KHDRBS2: variants seen among roughly 807,000 people sequenced by gnomAD.
KHDRBS2 encodes KH RNA binding domain containing, signal transduction associated 2, also known as KH domain-containing, RNA-binding, signal transduction-associated protein 2.
In KHDRBS2, 26 loss-of-function variants were observed where a neutral mutation model predicts 44.3. The observed-to-expected ratio is 0.59, with a 90% confidence interval of 0.43 to 0.81. The LOEUF (loss-of-function observed/expected upper bound fraction) is 0.81. Among genes scored for constraint, KHDRBS2 ranks in the 40% least tolerant of loss-of-function variants. The pLI, the probability that KHDRBS2 is intolerant of heterozygous loss-of-function variation, is 0.00. For synonymous variants in KHDRBS2, 194 were observed against 151.1 expected, an observed-to-expected ratio of 1.28 and a Z score of -2.08; for missense variants, 476 against 433.1, an observed-to-expected ratio of 1.10 and a Z score of -0.88.
chr6:62,124,097 A>G (rs1434843141), intron 2 of KHDRBS2, among the ~76,000 whole-genome samples: 2 of 152,138 alleles, frequency 1.3e-5, no homozygotes, highest in Non-Finnish European at 2.9e-5. Context: ...CTCTCATCTT[A>G]CTTGACTGCT....
At chr6:61,863,514 A>T (rs1441396056) in intron 6 of KHDRBS2, among the ~76,000 whole-genome samples, 1 of 152,150 alleles carries the variant, frequency 6.6e-6, no homozygotes, top group East Asian at 1.9e-4. Context: ...GTTTCAAAGA[A>T]CTTCTTGATT....
At chr6:62,278,962 C>T (rs1443701663) in intron 1 of KHDRBS2, among the ~76,000 whole-genome samples, 2 of 152,004 alleles carry the variant, frequency 1.3e-5, no homozygotes, top group East Asian at 1.9e-4. Context: ...GGCGTGGTGG[C>T]GGGTGCCTGT....
chr6:61,987,460 T>C (rs1237521607), intron 3 of KHDRBS2, among the ~76,000 whole-genome samples: 1 of 152,212 alleles, frequency 6.6e-6, no homozygotes, highest in Non-Finnish European at 1.5e-5. Flanking sequence ...ATATTTTACC[T>C]CAGAGTTATA....
chr6:62,277,672 G>C (rs1478192835), intron 1 of KHDRBS2, among the ~76,000 whole-genome samples: 1 of 152,074 alleles, frequency 6.6e-6, no homozygotes, highest in East Asian at 1.9e-4. Context: ...ACACATTCAA[G>C]GGCATATGTG....
At chr6:62,046,581 C>G (rs1170253216) in intron 3 of KHDRBS2, among the ~76,000 whole-genome samples, 1 of 151,690 alleles carries the variant, frequency 6.6e-6, no homozygotes, top group Non-Finnish European at 1.5e-5. Context: ...AAATTCATAA[C>G]AAAAACAATA....
chr6:61,567,341 C>T, the KHDRBS2 span, among the ~76,000 whole-genome samples: 1 of 152,162 alleles, frequency 6.6e-6, no homozygotes, highest in African/African-American at 2.4e-5. Flanking sequence ...TGAGGGGGAA[C>T]ATTAAGGCTG....
intron 4 of KHDRBS2, among the ~76,000 whole-genome samples, chr6:61,950,527 A>G (rs1477489475): frequency 6.6e-6 from 1 of 151,958 alleles, no homozygotes; most frequent in East Asian, 1.9e-4. Context: ...ATTCTGTGTA[A>G]ATATACTTCA....
intron 6 of KHDRBS2, among the ~76,000 whole-genome samples, chr6:61,842,850 A>T (rs1320115697): frequency 6.6e-6 from 1 of 151,662 alleles, no homozygotes; most frequent in African/African-American, 2.4e-5. Context: ...GCATAAACAA[A>T]ATGTGGTATA....
At chr6:61,553,984 T>C in the KHDRBS2 span, among the ~76,000 whole-genome samples, 1 of 152,132 alleles carries the variant, frequency 6.6e-6, no homozygotes, top group Non-Finnish European at 1.5e-5. Context: ...CTCTTGTCTG[T>C]GGGTGGAATG....
At chr6:61,701,517 A>T (rs1472558739) in intron 7 of KHDRBS2, among the ~76,000 whole-genome samples, 2 of 151,952 alleles carry the variant, frequency 1.3e-5, no homozygotes, top group Non-Finnish European at 2.9e-5. Context: ...AGAAGAAAGC[A>T]TGCTGCAAAA....
At chr6:62,021,471 G>A (rs1346076326) in intron 3 of KHDRBS2, among the ~76,000 whole-genome samples, 1 of 151,832 alleles carries the variant, frequency 6.6e-6, no homozygotes, top group Admixed American at 6.6e-5. Context: ...GGTCTTGTGT[G>A]TGTTTTTATC....
intron 6 of KHDRBS2, among the ~76,000 whole-genome samples, chr6:61,872,320 T>C (rs1197437686): frequency 6.6e-6 from 1 of 152,122 alleles, no homozygotes; most frequent in Non-Finnish European, 1.5e-5. Context: ...TGCATGTGAA[T>C]CCAAATTTGT....
At chr6:61,605,983 G>A in the KHDRBS2 span, among the ~76,000 whole-genome samples, 29,085 of 151,944 alleles carry the variant, frequency 0.19, 2,943 homozygotes, top group African/African-American at 0.23. Flanking sequence ...GAAAATGGCC[G>A]GTCCCTGCCT....
intron 1 of KHDRBS2, among the ~76,000 whole-genome samples, chr6:62,241,927 G>T (rs1344787374): frequency 6.6e-6 from 1 of 151,992 alleles, no homozygotes; most frequent in East Asian, 1.9e-4. Flanking sequence ...TTTGGAAGTT[G>T]GTCAGGAAAG....
intron 6 of KHDRBS2, among the ~76,000 whole-genome samples, chr6:61,787,209 T>TA (rs1211542632): frequency 2.0e-5 from 3 of 151,540 alleles, no homozygotes; most frequent in African/African-American, 4.8e-5. Flanking sequence ...TTGGCTATTA[T>TA]AAAAAATGCT....
At chr6:61,854,159 A>T (rs914090425) in intron 6 of KHDRBS2, among the ~76,000 whole-genome samples, 1 of 152,164 alleles carries the variant, frequency 6.6e-6, no homozygotes, top group African/African-American at 2.4e-5. Context: ...GTAGAATTCA[A>T]GTCCTGGAAT....
intron 4 of KHDRBS2, among the ~76,000 whole-genome samples, chr6:61,958,279 T>G (rs1196971325): frequency 6.6e-6 from 1 of 152,122 alleles, no homozygotes; most frequent in African/African-American, 2.4e-5. Context: ...TAGTACATGC[T>G]GTTTCTGCAT....
chr6:61,818,056 A>C (rs980318788), intron 6 of KHDRBS2, among the ~76,000 whole-genome samples: 1 of 151,960 alleles, frequency 6.6e-6, no homozygotes, highest in Non-Finnish European at 1.5e-5. Flanking sequence ...ACAGGGAAAA[A>C]TCCCTAAAAG....
At chr6:61,743,731 T>C (rs1252422927) in intron 6 of KHDRBS2, among the ~76,000 whole-genome samples, 1 of 151,892 alleles carries the variant, frequency 6.6e-6, no homozygotes, top group Non-Finnish European at 1.5e-5. Flanking sequence ...GCTGCACCCA[T>C]TAACTCGTCA....
Sources: gnomAD v4.1 joint callset for allele counts (sites outside exome capture counted in the v4.1 genomes callset) on GRCh38, gnomAD v4.1.1 for gene constraint, MANE v1.5 for transcripts, NCBI Gene and HGNC (gene_info 2026-07-23, HGNC 2026-07-21) for gene names.